Variants in MYBL2 observed in about 807,000 individuals in gnomAD.
MYBL2 encodes the protein MYB proto-oncogene like 2.
MYBL2 carries 28 observed loss-of-function variants against 79.9 expected under a neutral mutation model. That is an observed-to-expected ratio of 0.35 (90% CI 0.26 to 0.48). The LOEUF (loss-of-function observed/expected upper bound fraction) is 0.48. MYBL2 is among the 20% of genes least tolerant of loss of function. MYBL2 has a pLI of 0.99. For missense variants in MYBL2, 735 were observed against 893.9 expected (o/e 0.82, Z 2.27); for synonymous variants, 378 against 361.2 (o/e 1.05, Z -0.53).
intron 1 of MYBL2, among the ~76,000 whole-genome samples, chr20:43,671,700 G>A (rs1467807642): frequency 1.3e-5 from 2 of 151,378 alleles, no homozygotes; most frequent in East Asian, 2.0e-4. Flanking sequence ...TCGAACTCCC[G>A]ACCTCAGGTG....
At chr20:43,713,800 C>T (rs1987966268) in intron 12 of MYBL2, among the ~76,000 whole-genome samples, 1 of 152,168 alleles carries the variant, frequency 6.6e-6, no homozygotes, top group African/African-American at 2.4e-5. Flanking sequence ...GTGAGGTCGA[C>T]CTCAGAAAGG....
intron 6 of MYBL2, among the ~76,000 whole-genome samples, chr20:43,694,488 T>A (rs550488905): frequency 9.3e-4 from 142 of 152,332 alleles, no homozygotes; most frequent in African/African-American, 3.2e-3. Context: ...TTAATAATTT[T>A]AAAAAATCTT....
At chr20:43,682,439 C>T (rs574495612) in intron 3 of MYBL2, among the ~76,000 whole-genome samples, 43 of 152,346 alleles carry the variant, frequency 2.8e-4, no homozygotes, top group South Asian at 8.3e-4. Flanking sequence ...TCCTCATCTC[C>T]CCCTCTTCTG....
Position 43,692,146 on chromosome 20 carries a change from G to GA in MYBL2, c.501-11_501-10insA. On this transcript the variant is annotated splice_polypyrimidine_tract_variant and intron_variant, in intron 5 of 13. Coordinates refer to ENST00000217026, the MANE Select transcript of MYBL2 (RefSeq NM_002466.4). ...AGCTGGGGTTCAAAGGCCCCCTGCTGCCCCCTGCAGGACAGACAATGCTGT... is the reference window on the plus strand; with the variant it reads ...AGCTGGGGTTCAAAGGCCCCCTGCTGACCCCCTGCAGGACAGACAATGCTGT... 6.2e-7 allele frequency: 1 copy of GA among 1,612,974 alleles called. No individual in the cohort carries two copies.
At chr20:43,695,763 T>C (rs1987526063) in intron 6 of MYBL2, among the ~76,000 whole-genome samples, 1 of 152,076 alleles carries the variant, frequency 6.6e-6, no homozygotes, top group Non-Finnish European at 1.5e-5. Context: ...GGAAGTTCAC[T>C]TGAGCCCAGT....
chr20:43,680,539 C>G (rs946916896), intron 2 of MYBL2, among the ~76,000 whole-genome samples: 1 of 152,040 alleles, frequency 6.6e-6, no homozygotes, highest in Non-Finnish European at 1.5e-5. Flanking sequence ...GCTCTGTTGC[C>G]GAGGCTGGAG....
At chr20:43,712,281 G>C (rs957885778) in intron 11 of MYBL2, among the ~76,000 whole-genome samples, 11 of 152,216 alleles carry the variant, frequency 7.2e-5, no homozygotes, top group African/African-American at 2.7e-4. Context: ...TCAAGGGAGA[G>C]CTGGGAACGG....
At chr20:43,684,652 A>G (rs986030520) in intron 4 of MYBL2, among the ~76,000 whole-genome samples, 5 of 151,440 alleles carry the variant, frequency 3.3e-5, no homozygotes, top group African/African-American at 9.7e-5. Flanking sequence ...CTGGGATTAC[A>G]GTCATGAGCC....
chr20:43,694,962 CTT>C (rs1987499484), intron 6 of MYBL2, among the ~76,000 whole-genome samples: 1 of 151,966 alleles, frequency 6.6e-6, no homozygotes, highest in Admixed American at 6.6e-5. Flanking sequence ...TCCCCTGACA[CTT>C]TGAGTGTCTG....
chr20:43,712,692 C>T lies in MYBL2; in HGVS notation c.1720-310C>T, dbSNP rs1416010752. 2.0e-5 allele frequency among the ~76,000 whole-genome samples: 3 copies of T among 152,136 alleles called. 1 individual carries two copies. The highest frequency in any genetic ancestry group is 2.0e-4 in the Admixed American group (3 of 15,278). On this transcript the variant is annotated intron_variant, in intron 11 of 13. Transcript: ENST00000217026. ...TTCTCTGCTGGGCCTGTTTGAGGGG[C>T]TGTGTCTGGTCCATTCGGGGTGAGA...
chr20:43,671,300 C>A (rs190432356), intron 1 of MYBL2, among the ~76,000 whole-genome samples: 1 of 150,964 alleles, frequency 6.6e-6, no homozygotes, highest in African/African-American at 2.4e-5. Flanking sequence ...GGATTACAGG[C>A]GCATGCCACC....
Position 43,688,075 on chromosome 20 carries a change from A to G in MYBL2, c.500+1003A>G, listed in dbSNP as rs969996014. 4.7e-5 allele frequency among the ~76,000 whole-genome samples: 7 copies of G among 147,934 alleles called. No homozygotes were observed. The East Asian group carries it at 1.2e-3, about 25-fold the overall frequency. ...AAAGCATTCCATGATCTTTTCTCCT[A>G]TTTTTCATCTGTTTTGCTTCATTTT... On this transcript the variant is annotated intron_variant, in intron 5 of 13. Transcript: ENST00000217026.
chr20:43,680,164 G>A (rs1159374907), intron 2 of MYBL2, among the ~76,000 whole-genome samples: 1 of 152,116 alleles, frequency 6.6e-6, no homozygotes, highest in Non-Finnish European at 1.5e-5. Flanking sequence ...CCGAGTAGCT[G>A]GGATCACAGG....
At chr20:43,681,359 C>G (rs73907893) in intron 2 of MYBL2, among the ~76,000 whole-genome samples, 2,477 of 152,306 alleles carry the variant, frequency 0.016, 69 homozygotes, top group African/African-American at 0.057. Flanking sequence ...TCAAACACAT[C>G]AGTGGTTTTG....
In MYBL2 at chr20:43,667,311, G is replaced by A. The variant is rs1021487847; in HGVS notation, c.20+8G>A. ...GTCTCGGCGGACGCGCTGGTGAGAC[G>A]AGCCGGGAGGGCTTGGGCCCCTCCC... On this transcript the variant is annotated splice_region_variant and intron_variant, in intron 1 of 13. Transcript: ENST00000217026. The A allele has an allele frequency of 1.4e-5, 17 of 1,229,588 alleles. No homozygotes were observed. The highest frequency in any genetic ancestry group is 1.2e-4 in the African/African-American group (8 of 64,102). The allele number at this position is 1,229,588 out of a possible 1,614,324, so 76.2% of individuals were successfully genotyped here. A position where few individuals can be genotyped will look rare whatever the true frequency, so the allele number is the denominator to read the frequency against.
intron 7 of MYBL2, among the ~76,000 whole-genome samples, chr20:43,701,534 C>T (rs927874904): frequency 1.3e-5 from 2 of 152,204 alleles, no homozygotes; most frequent in Non-Finnish European, 2.9e-5. Context: ...TAGTGACTCA[C>T]GGGCTTGTTC....
intron 4 of MYBL2, among the ~76,000 whole-genome samples, chr20:43,686,265 G>A (rs1388855282): frequency 6.6e-6 from 1 of 152,066 alleles, no homozygotes; most frequent in Non-Finnish European, 1.5e-5. Flanking sequence ...CCTGGCTCTT[G>A]TGGCTGCGTA....
At chr20:43,711,380 C>T in intron 10 of MYBL2, 108 bp from the exon 11 acceptor site, 1 of 743,550 alleles carries the variant, frequency 1.3e-6, no homozygotes, top group East Asian at 2.7e-5. Context: ...AGGCCTCCTT[C>T]CTGCCTTACC....
intron 1 of MYBL2, among the ~76,000 whole-genome samples, chr20:43,668,269 T>G (rs1986772173): frequency 6.8e-6 from 1 of 147,264 alleles, no homozygotes; most frequent in Non-Finnish European, 1.5e-5. Context: ...GGCGCGATCT[T>G]GGCTCACTGC....
Sources: gnomAD v4.1 joint callset for allele counts (sites outside exome capture counted in the v4.1 genomes callset) on GRCh38, gnomAD v4.1.1 for gene constraint, MANE v1.5 for transcripts, NCBI Gene and HGNC (gene_info 2026-07-23, HGNC 2026-07-21) for gene names.